Variants in GPC6 observed in about 807,000 individuals in gnomAD.
GPC6 encodes the protein glypican 6, also known as glypican-6.
In GPC6, 14 loss-of-function variants were observed where a neutral mutation model predicts 55.2. The ratio of observed to expected loss-of-function variants is 0.25; its 90% CI spans 0.17 to 0.40. The LOEUF (loss-of-function observed/expected upper bound fraction) is 0.40. Ranked by LOEUF, GPC6 falls within the 10% of genes least tolerant of loss-of-function variation. The probability of loss-of-function intolerance (pLI) is 1.00; values close to 1 mark genes in which losing one functional copy is unlikely to be tolerated. For synonymous variants in GPC6, 278 were observed against 259.6 expected (o/e 1.07, Z -0.68); for missense variants, 641 against 708.5 (o/e 0.90, Z 1.08).
chr13:93,811,995 A>T (rs1374874429), intron 2 of GPC6, among the ~76,000 whole-genome samples: 3 of 152,178 alleles, frequency 2.0e-5, no homozygotes, highest in Admixed American at 6.5e-5. Flanking sequence ...ATGTCATTTG[A>T]TTACTGAGAA....
At chr13:94,320,625 C>G (rs1292722062) in intron 6 of GPC6, among the ~76,000 whole-genome samples, 1 of 152,186 alleles carries the variant, frequency 6.6e-6, no homozygotes, top group Admixed American at 6.5e-5. Context: ...TTTTACTCTC[C>G]TGTCCTTGCC....
intron 6 of GPC6, among the ~76,000 whole-genome samples, chr13:94,327,343 T>G (rs1442839348): frequency 6.6e-6 from 1 of 152,138 alleles, no homozygotes; most frequent in Admixed American, 6.5e-5. Flanking sequence ...ATTGCAGATG[T>G]TTTTCTCTTC....
At chr13:93,529,051 T>C (rs1383353223) in intron 1 of GPC6, among the ~76,000 whole-genome samples, 1 of 152,112 alleles carries the variant, frequency 6.6e-6, no homozygotes, top group East Asian at 1.9e-4. Flanking sequence ...ACAATATCAA[T>C]TGTTGAATTT....
chr13:93,725,957 A>G (rs193204238), intron 2 of GPC6, among the ~76,000 whole-genome samples: 1 of 152,066 alleles, frequency 6.6e-6, no homozygotes, highest in African/African-American at 2.4e-5. Context: ...GGTCTGTATT[A>G]ATTAGAATGC....
intron 2 of GPC6, among the ~76,000 whole-genome samples, chr13:93,631,729 T>C (rs1879446661): frequency 6.6e-6 from 1 of 152,220 alleles, no homozygotes; most frequent in African/African-American, 2.4e-5. Context: ...TCTGTAGTTA[T>C]ATACCACTGT....
intron 6 of GPC6, among the ~76,000 whole-genome samples, chr13:94,378,109 G>C (rs1238034188): frequency 6.6e-6 from 1 of 152,112 alleles, no homozygotes; most frequent in Non-Finnish European, 1.5e-5. Flanking sequence ...TGACGAGTTA[G>C]TGGGTGCAGT....
intron 1 of GPC6, among the ~76,000 whole-genome samples, chr13:93,475,483 A>T (rs1020863665): frequency 2.0e-5 from 3 of 152,226 alleles, no homozygotes; most frequent in Non-Finnish European, 4.4e-5. Context: ...TATAGAAAAT[A>T]ATAAAACTTT....
intron 3 of GPC6, among the ~76,000 whole-genome samples, chr13:93,863,391 T>C (rs1888871909): frequency 6.6e-6 from 1 of 151,736 alleles, no homozygotes; most frequent in Admixed American, 6.6e-5. Context: ...CAATTTCTGT[T>C]GTAGACTATT....
At chr13:93,661,971 G>A (rs577688598) in intron 2 of GPC6, among the ~76,000 whole-genome samples, 2 of 152,230 alleles carry the variant, frequency 1.3e-5, no homozygotes, top group African/African-American at 4.8e-5. Flanking sequence ...TAGTTACTAA[G>A]CTTAAACTTT....
intron 1 of GPC6, among the ~76,000 whole-genome samples, chr13:93,513,954 A>G (rs1319295542): frequency 2.1e-5 from 3 of 142,746 alleles, no homozygotes; most frequent in Non-Finnish European, 4.5e-5. Context: ...GCTCACTGCA[A>G]CCTCCACCTC....
intron 3 of GPC6, among the ~76,000 whole-genome samples, chr13:93,976,605 C>A (rs1880529331): frequency 1.3e-5 from 2 of 150,894 alleles, no homozygotes; most frequent in South Asian, 4.2e-4. Context: ...TTGTCTGGGA[C>A]AACGTAGCAG....
chr13:93,883,473 A>G (rs1196385057), intron 3 of GPC6, among the ~76,000 whole-genome samples: 1 of 152,016 alleles, frequency 6.6e-6, no homozygotes, highest in Non-Finnish European at 1.5e-5. Flanking sequence ...GCCATTCTTG[A>G]TAATATTTGC....
intron 4 of GPC6, among the ~76,000 whole-genome samples, chr13:94,064,508 C>T (rs867305846): frequency 6.6e-6 from 1 of 152,056 alleles, no homozygotes; most frequent in South Asian, 2.1e-4. Flanking sequence ...ATAAAGCCCC[C>T]AGTTGCCCAA....
intron 2 of GPC6, among the ~76,000 whole-genome samples, chr13:93,599,287 A>T (rs894632246): frequency 5.3e-5 from 3 of 56,378 alleles, no homozygotes; most frequent in Non-Finnish European, 8.8e-5. Context: ...AAATATTGGT[A>T]AAAAAAAAAA....
intron 3 of GPC6, among the ~76,000 whole-genome samples, chr13:93,847,083 A>C (rs1888206922): frequency 6.6e-6 from 1 of 152,130 alleles, no homozygotes; most frequent in African/African-American, 2.4e-5. Flanking sequence ...TGGAACTCTA[A>C]CATAAGTAAC....
chr13:93,362,806 G>A (rs1288051959), intron 1 of GPC6, among the ~76,000 whole-genome samples: 1 of 152,108 alleles, frequency 6.6e-6, no homozygotes, highest in African/African-American at 2.4e-5. Context: ...CTAAATAAAT[G>A]TTTCTTAAAG....
intron 1 of GPC6, among the ~76,000 whole-genome samples, chr13:93,290,751 G>A (rs1482625120): frequency 1.3e-5 from 2 of 152,056 alleles, no homozygotes; most frequent in East Asian, 3.9e-4. Context: ...AAACTTCTGA[G>A]AACCATACTG....
At chr13:93,907,425 G>A (rs1876728768) in intron 3 of GPC6, among the ~76,000 whole-genome samples, 1 of 151,988 alleles carries the variant, frequency 6.6e-6, no homozygotes, top group African/African-American at 2.4e-5. Flanking sequence ...CACTTGACCT[G>A]TACTTCTTGT....
chr13:94,270,495 C>G (rs1891957107), intron 4 of GPC6, among the ~76,000 whole-genome samples: 1 of 152,104 alleles, frequency 6.6e-6, no homozygotes, highest in South Asian at 2.1e-4. Context: ...ATAGCCTGAT[C>G]CTAATATTGT....
Sources: gnomAD v4.1 joint callset for allele counts (sites outside exome capture counted in the v4.1 genomes callset) on GRCh38, gnomAD v4.1.1 for gene constraint, MANE v1.5 for transcripts, NCBI Gene and HGNC (gene_info 2026-07-23, HGNC 2026-07-21) for gene names.